RBM22: variants seen among roughly 807,000 people sequenced by gnomAD.
RBM22 encodes the protein pre-mRNA-splicing factor RBM22.
Under a neutral mutation model 50.1 loss-of-function variants are expected in RBM22, and 1 was observed. That is an observed-to-expected ratio of 0.02 (90% CI 0.01 to 0.09). The LOEUF (loss-of-function observed/expected upper bound fraction) is 0.09, where lower values mean the gene tolerates loss of function less well. Among genes scored for constraint, RBM22 ranks in the 10% least tolerant of loss-of-function variants. The probability of loss-of-function intolerance (pLI) is 1.00; values close to 1 mark genes in which losing one functional copy is unlikely to be tolerated. For synonymous variants in RBM22, 152 were observed against 179.0 expected (o/e 0.85, Z 1.20); for missense variants, 264 against 529.3 (o/e 0.50, Z 4.92).
chr5:150,697,126 G>GA (rs1390736770), intron 4 of RBM22, among the ~76,000 whole-genome samples: 1 of 152,128 alleles, frequency 6.6e-6, no homozygotes, highest in African/African-American at 2.4e-5. Context: ...TAATGCTTTA[G>GA]AAAAAATCTT....
At position 150,692,901 on chromosome 5, in the gene RBM22, G is replaced by A. The variant is rs1244651885; in HGVS notation, c.1126C>T (p.Pro376Ser). Residue 376 changes from proline (P) to serine (S), a missense_variant, in exon 10 of 11, where the codon CCC becomes TCC. Pro to Ser is a moderately conservative substitution (Grantham distance 74, BLOSUM62 -1). Transcript: ENST00000199814. ...GAAGGAAGATGGAAGTTACCTGGGGGTGGGGGTGGAGCAATGCCAGGGGGC... is the reference window on the plus strand; with the variant it reads ...GAAGGAAGATGGAAGTTACCTGGGGATGGGGGTGGAGCAATGCCAGGGGGC... Reference protein sequence around the residue: ...PPPPGIAPPPPPGFGPHMFHP... With the variant: ...PPPPGIAPPPSPGFGPHMFHP... 1 of 1,601,418 alleles carries A rather than the reference G, an allele frequency of 6.2e-7. No individual in the cohort carries two copies. The highest frequency in any genetic ancestry group is 8.5e-7 in the Non-Finnish European group (1 of 1,174,578).
rs111348317 is a variant in RBM22, at chr5:150,695,146, C to T, written c.746+360G>A. On this transcript the variant is annotated intron_variant, in intron 7 of 10. Transcript: ENST00000199814. ...AGCTCAAGCAATCCTCCTGCCTCAG[C>T]CTCCCAAACAGCTGGGACTACAGGC... is the stretch of plus-strand genomic sequence containing the variant. Among the ~76,000 whole-genome samples, 782 of 152,318 alleles carry T rather than the reference C, an allele frequency of 5.1e-3. 9 individuals carry two copies. The highest frequency in any genetic ancestry group is 0.018 in the African/African-American group (754 of 41,564).
intron 2 of RBM22, 48 bp from the exon 3 acceptor site, chr5:150,699,319 A>G (rs1451971160): frequency 6.5e-7 from 1 of 1,532,570 alleles, no homozygotes; most frequent in Non-Finnish European, 8.7e-7. Flanking sequence ...AGAAAGAAAA[A>G]AGCCAGATGT....
chr5:150,700,774 G>A (rs1430634877), intron 1 of RBM22, 158 bp downstream of exon 1: 1 of 1,555,996 alleles, frequency 6.4e-7, no homozygotes, highest in East Asian at 2.4e-5. Context: ...CAAGCCCGCA[G>A]GAGGATCGCC....
intron 2 of RBM22, among the ~76,000 whole-genome samples, chr5:150,699,835 G>A (rs1031431063): frequency 1.3e-5 from 2 of 152,144 alleles, no homozygotes; most frequent in Non-Finnish European, 2.9e-5. Context: ...CTTGTCCTGT[G>A]CCAATGCCCG....
At chr5:150,692,828 T>C (rs1759225930) in intron 10 of RBM22, 67 bp downstream of exon 10, 10 of 1,448,946 alleles carry the variant, frequency 6.9e-6, no homozygotes, top group South Asian at 1.3e-5. Context: ...TTGAACATGA[T>C]GGTGAGGTTT....
At chr5:150,693,554 G>A (rs1759237118) in intron 8 of RBM22, among the ~76,000 whole-genome samples, 2 of 152,222 alleles carry the variant, frequency 1.3e-5, no homozygotes, top group African/African-American at 4.8e-5. Flanking sequence ...GTTTAGCACA[G>A]TGCTTACCAC....
Position 150,696,923 on chromosome 5 carries a change from A to C in RBM22, c.272-32T>G. 1.3e-6 allele frequency: 2 copies of C among 1,594,640 alleles called. No individual in the cohort carries two copies. Among genetic ancestry groups the C allele is most frequent in the Non-Finnish European group, 1.7e-6 (2 of 1,162,600 alleles). On this transcript the variant is annotated intron_variant, in intron 4 of 10. Transcript: ENST00000199814. The surrounding 1 kb of genome is among the most constrained non-coding windows in gnomAD (Gnocchi z 4.3). ...CAAAAAAAGAGGAAAAAGACCTCAG[A>C]TGTATTTTAAAACATATCCATACTA...
rs985957696 is a variant in RBM22, at chr5:150,698,603, C to T, written c.167G>A (p.Arg56His). ...KICARPFTVF[R>H]WCPGVRMRFK... Reference sequence around the variant, plus strand: ...ACGCATGCGGACTCCAGGGCACCAGCGAAACACTGTGAATGGCCTGGCACA... The same window carrying T: ...ACGCATGCGGACTCCAGGGCACCAGTGAAACACTGTGAATGGCCTGGCACA... The change falls in exon 4 of 11, where the codon CGC becomes CAC. Residue 56 changes from arginine (R) to histidine (H), a missense_variant. Physicochemically the swap from Arg to His is conservative, Grantham distance 29. Coordinates refer to ENST00000199814, the MANE Select transcript of RBM22 (RefSeq NM_018047.3). 1.2e-6 allele frequency: 2 copies of T among 1,613,982 alleles called. No homozygotes were observed. Among genetic ancestry groups the T allele is most frequent in the South Asian group, 1.1e-5 (1 of 91,078 alleles).
At chr5:150,698,674 T>G (rs1339075705) in intron 3 of RBM22, 43 bp from the exon 4 acceptor site, 1 of 1,602,576 alleles carries the variant, frequency 6.2e-7, no homozygotes, top group East Asian at 2.2e-5. Context: ...ATGGTCCTGA[T>G]CTGGGCAATC....
At position 150,693,204 on chromosome 5, in the gene RBM22, G is replaced by A; in HGVS notation, c.1000+15C>T. 6.2e-7 allele frequency: 1 copy of A among 1,605,322 alleles called. No individual in the cohort carries two copies. The highest frequency in any genetic ancestry group is 8.5e-7 in the Non-Finnish European group (1 of 1,172,944). Reference sequence around the variant, plus strand: ...CAGAAAGAGCTTCTGAAGTCAGCAGGGAGTCTGCACTCACCTCCTGGCAAT... The same window carrying A: ...CAGAAAGAGCTTCTGAAGTCAGCAGAGAGTCTGCACTCACCTCCTGGCAAT... On this transcript the variant is annotated intron_variant, in intron 9 of 10. Coordinates refer to ENST00000199814, the MANE Select transcript of RBM22 (RefSeq NM_018047.3).
At chr5:150,692,154 G>A (rs926581971) in intron 10 of RBM22, among the ~76,000 whole-genome samples, 7 of 152,134 alleles carry the variant, frequency 4.6e-5, no homozygotes, top group Non-Finnish European at 8.8e-5. Flanking sequence ...AATCCTACCA[G>A]ACAGGATTCA....
At chr5:150,693,539 T>TA (rs1759236943) in intron 8 of RBM22, among the ~76,000 whole-genome samples, 1 of 152,200 alleles carries the variant, frequency 6.6e-6, no homozygotes, top group Non-Finnish European at 1.5e-5. Context: ...AGGCAACACA[T>TA]ACGTGTTTAG....
intron 2 of RBM22, 115 bp from the exon 3 acceptor site, chr5:150,699,386 G>A: frequency 7.2e-7 from 1 of 1,381,300 alleles, no homozygotes; most frequent in East Asian, 2.7e-5. Context: ...TGGCATCCTA[G>A]AGAGAGAAAA....
rs1175331803 is a variant in RBM22 at position 150,690,949 on chromosome 5, C to G, written c.*802G>C. ...CACGAAGGTGAATGCTGAAGACCATCAGAGTCCCAGCAGGAGGTCACGTCT... is the reference window on the plus strand; with the variant it reads ...CACGAAGGTGAATGCTGAAGACCATGAGAGTCCCAGCAGGAGGTCACGTCT... On this transcript the variant is annotated 3_prime_UTR_variant, in exon 11 of 11. Transcript: ENST00000199814. The G allele has an allele frequency of 6.6e-6, 1 of 152,450 alleles. No individual in the cohort carries two copies. The highest frequency in any genetic ancestry group is 6.5e-5 in the Admixed American group (1 of 15,300). The allele number at this position is 152,450 out of a possible 1,614,324, so 9.4% of individuals were successfully genotyped here. A position where few individuals can be genotyped will look rare whatever the true frequency, so the allele number is the denominator to read the frequency against.
Position 150,701,056 on chromosome 5 carries a change from C to T in RBM22, c.-71G>A. 2 of 1,600,922 alleles carry T rather than the reference C, an allele frequency of 1.2e-6. No homozygotes were observed. Among genetic ancestry groups the T allele is most frequent in the East Asian group, 4.5e-5 (2 of 44,752 alleles). On this transcript the variant is annotated 5_prime_UTR_variant, in exon 1 of 11. Transcript: ENST00000199814. ...GGACCGCCACAATCCCGTCAAGCCC[C>T]GAGGCTAGCGCCGCGCCGGTCGGCG...
chr5:150,695,459 C>T, intron 7 of RBM22, 47 bp downstream of exon 7: 1 of 1,443,748 alleles, frequency 6.9e-7, no homozygotes. Context: ...TAAATTATTC[C>T]AGGGCAGTTA....
intron 7 of RBM22, 27 bp from the exon 8 acceptor site, chr5:150,694,267 G>C (rs371760894): frequency 6.2e-5 from 99 of 1,599,798 alleles, no homozygotes; most frequent in Non-Finnish European, 7.9e-5. Context: ...AGAGAAAAAT[G>C]AAAGTGGGAG....
intron 9 of RBM22, 24 bp downstream of exon 9, chr5:150,693,195 A>C: frequency 6.3e-7 from 1 of 1,598,834 alleles, no homozygotes; most frequent in Admixed American, 1.7e-5. Flanking sequence ...GAGCTTCTGA[A>C]GTCAGCAGGG....
Sources: allele counts gnomAD v4.1 joint callset (sites outside exome capture counted in the v4.1 genomes callset), GRCh38; gene constraint gnomAD v4.1.1; non-coding constraint Gnocchi (gnomAD v3.1); transcripts MANE v1.5; gene names NCBI Gene and HGNC (gene_info 2026-07-23, HGNC 2026-07-21).